Variants in NRCAM observed in about 807,000 individuals in gnomAD.
NRCAM encodes NgCAM-related cell adhesion molecule.
In NRCAM, 83 loss-of-function variants were observed where a neutral mutation model predicts 156.5. The observed-to-expected ratio is 0.53, with a 90% CI of 0.44 to 0.64. The LOEUF (loss-of-function observed/expected upper bound fraction) is 0.64, where lower values mean the gene tolerates loss of function less well. Among genes scored for constraint, NRCAM ranks in the 30% least tolerant of loss-of-function variants. The probability of loss-of-function intolerance (pLI) is 0.00; values close to 1 mark genes in which losing one functional copy is unlikely to be tolerated. For missense variants in NRCAM, 1,417 were observed against 1,597.3 expected, an observed-to-expected ratio of 0.89 and a Z score of 1.92; for synonymous variants, 538 against 563.9, an observed-to-expected ratio of 0.95 and a Z score of 0.65.
chr7:108,224,935 CA>C (rs1372185684), intron 10 of NRCAM, among the ~76,000 whole-genome samples: 1 of 152,014 alleles, frequency 6.6e-6, no homozygotes, highest in Non-Finnish European at 1.5e-5. Flanking sequence ...ACTTATATCT[CA>C]AGGGTGAAAA....
chr7:108,426,552 T>C (rs1336885024), intron 1 of NRCAM, among the ~76,000 whole-genome samples: 1 of 152,146 alleles, frequency 6.6e-6, no homozygotes, highest in East Asian at 1.9e-4. Context: ...ACCCCCCTTA[T>C]AAAACAAGAA....
Position 108,311,062 on chromosome 7 carries a change from C to T in NRCAM, c.-107+1603G>A, listed in dbSNP as rs545142637. Among the ~76,000 whole-genome samples, 12 of 152,292 alleles carry T rather than the reference C, an allele frequency of 7.9e-5. No homozygotes were observed. The South Asian group carries it at 1.9e-3, about 24-fold the overall frequency. On this transcript the variant is annotated intron_variant, in intron 3 of 32. Transcript: ENST00000379028. ...GGAGAGCACCTGCTGTTGAGCCAAG[C>T]GTTTCCACCTTAAAAGGGCACCATG...
intron 11 of NRCAM, among the ~76,000 whole-genome samples, chr7:108,215,857 C>T (rs559104959): frequency 2.8e-4 from 43 of 151,610 alleles, no homozygotes; most frequent in African/African-American, 9.9e-4. Flanking sequence ...GGTCTTGATT[C>T]GTTATCCAAT....
intron 3 of NRCAM, among the ~76,000 whole-genome samples, chr7:108,244,063 C>G (rs1217826740): frequency 2.0e-5 from 3 of 152,068 alleles, no homozygotes; most frequent in Admixed American, 1.3e-4. Flanking sequence ...CTTAAGAAGT[C>G]TTGTCTTTAG....
intron 3 of NRCAM, among the ~76,000 whole-genome samples, chr7:108,270,075 G>A (rs746759395): frequency 6.6e-6 from 1 of 152,180 alleles, no homozygotes; most frequent in Non-Finnish European, 1.5e-5. Context: ...CATGAGCTTG[G>A]AAAATAACAG....
chr7:108,423,347 T>C (rs984429964), intron 1 of NRCAM, among the ~76,000 whole-genome samples: 2 of 151,904 alleles, frequency 1.3e-5, no homozygotes, highest in African/African-American at 4.8e-5. Context: ...AAGGGAAGAC[T>C]GAGGCAAGAA....
chr7:108,228,325 C>CAAAA (rs372234122), intron 8 of NRCAM, among the ~76,000 whole-genome samples: 18 of 144,024 alleles, frequency 1.2e-4, no homozygotes, highest in African/African-American at 4.6e-4. Flanking sequence ...CCATCTAAAA[C>CAAAA]AAAAAAAAAA....
At chr7:108,272,775 T>C (rs960381020) in intron 3 of NRCAM, among the ~76,000 whole-genome samples, 6 of 152,118 alleles carry the variant, frequency 3.9e-5, no homozygotes, top group African/African-American at 1.4e-4. Flanking sequence ...TATTATACTT[T>C]AAGTTCTAGG....
At chr7:108,251,028 G>C (rs1208807738) in intron 3 of NRCAM, among the ~76,000 whole-genome samples, 1 of 152,198 alleles carries the variant, frequency 6.6e-6, no homozygotes, top group Non-Finnish European at 1.5e-5. Context: ...AGTCAGAACA[G>C]AAAAACCTCT....
intron 1 of NRCAM, among the ~76,000 whole-genome samples, chr7:108,454,093 T>C (rs1016707611): frequency 6.6e-6 from 1 of 152,214 alleles, no homozygotes; most frequent in Non-Finnish European, 1.5e-5. Flanking sequence ...TGTTGTTCAG[T>C]GACTGTAATG....
chr7:108,257,099 G>C (rs1476903691), intron 3 of NRCAM, among the ~76,000 whole-genome samples: 1 of 147,716 alleles, frequency 6.8e-6, no homozygotes, highest in Non-Finnish European at 1.5e-5. Flanking sequence ...AAGAAGGAAG[G>C]AAGGAAAAGA....
chr7:108,314,490 T>C (rs1428054265), intron 2 of NRCAM, among the ~76,000 whole-genome samples: 2 of 152,198 alleles, frequency 1.3e-5, no homozygotes, highest in Non-Finnish European at 2.9e-5. Context: ...AGATTTGATG[T>C]ATTTTTAAAG....
intron 11 of NRCAM, among the ~76,000 whole-genome samples, chr7:108,222,327 T>C (rs538730724): frequency 2.6e-5 from 4 of 152,360 alleles, no homozygotes; most frequent in South Asian, 2.1e-4. Context: ...TGGTAAGTGA[T>C]AGAGTCCCAA....
chr7:108,176,326 CA>C (rs1180466080), intron 27 of NRCAM, 103 bp downstream of exon 27: 1 of 954,862 alleles, frequency 1.0e-6, no homozygotes, highest in African/African-American at 1.6e-5. Context: ...TTGCGTTAAT[CA>C]GGTAAGACAG....
chr7:108,204,970 ATTATG>A (rs1364103222), intron 13 of NRCAM, among the ~76,000 whole-genome samples: 1 of 152,200 alleles, frequency 6.6e-6, no homozygotes, highest in Middle Eastern at 3.4e-3. Flanking sequence ...GGGGAGTGTT[ATTATG>A]TTATGAGTGT....
intron 1 of NRCAM, among the ~76,000 whole-genome samples, chr7:108,418,573 AC>A (rs1355754612): frequency 3.3e-5 from 5 of 151,202 alleles, no homozygotes; most frequent in African/African-American, 1.2e-4. Context: ...ACACACACAC[AC>A]ACACACACAC....
At chr7:108,288,556 CTCA>C (rs2098181630) in intron 3 of NRCAM, among the ~76,000 whole-genome samples, 1 of 152,062 alleles carries the variant, frequency 6.6e-6, no homozygotes, top group African/African-American at 2.4e-5. Context: ...TAGCTCACTT[CTCA>C]TCAATTCATA....
chr7:108,287,656 ATG>A (rs752099307), intron 3 of NRCAM, among the ~76,000 whole-genome samples: 1 of 46,290 alleles, frequency 2.2e-5, no homozygotes, highest in Admixed American at 2.5e-4. Flanking sequence ...CCAATAACAC[ATG>A]AGATACCATC....
intron 3 of NRCAM, among the ~76,000 whole-genome samples, chr7:108,276,824 A>G (rs1298165218): frequency 6.6e-6 from 1 of 152,170 alleles, no homozygotes; most frequent in South Asian, 2.1e-4. Flanking sequence ...CAGTTTCTTC[A>G]TAGCGTTGAT....
Sources: gnomAD v4.1 joint callset for allele counts (sites outside exome capture counted in the v4.1 genomes callset) on GRCh38, gnomAD v4.1.1 for gene constraint, MANE v1.5 for transcripts, NCBI Gene and HGNC (gene_info 2026-07-23, HGNC 2026-07-21) for gene names.